IRAK1BP1: variants seen among roughly 807,000 people sequenced by gnomAD.
IRAK1BP1 encodes the protein interleukin 1 receptor associated kinase 1 binding protein 1.
Under a neutral mutation model 28.0 loss-of-function variants are expected in IRAK1BP1, and 24 were observed. The ratio of observed to expected loss-of-function variants is 0.86; its 90% CI spans 0.62 to 1.20. IRAK1BP1 has a LOEUF of 1.20. Ranked by LOEUF, IRAK1BP1 falls within the 50% of genes most tolerant of loss-of-function variation. IRAK1BP1 has a pLI of 0.00. For missense variants in IRAK1BP1, 336 were observed against 316.7 expected, an observed-to-expected ratio of 1.06 and a Z score of -0.46; for synonymous variants, 131 against 116.3, an observed-to-expected ratio of 1.13 and a Z score of -0.81.
chr6:78,891,983 A>G (rs1370258521), intron 2 of IRAK1BP1, among the ~76,000 whole-genome samples: 1 of 152,202 alleles, frequency 6.6e-6, no homozygotes, highest in African/African-American at 2.4e-5. Context: ...GCATGAATAT[A>G]TAAGACTCAT....
At chr6:78,955,327 C>T in the IRAK1BP1 span, 3 of 1,347,928 alleles carry the variant, frequency 2.2e-6, no homozygotes, top group Non-Finnish European at 3.2e-6. Context: ...TTTTAGATGT[C>T]ATTATACTTT....
At chr6:78,942,405 C>A (rs530295346) in intron 4 of IRAK1BP1, among the ~76,000 whole-genome samples, 68 of 152,280 alleles carry the variant, frequency 4.5e-4, no homozygotes, top group Admixed American at 1.3e-4. Context: ...ATCCTTTGAA[C>A]CCAGGAGGCG....
the IRAK1BP1 span, among the ~76,000 whole-genome samples, chr6:78,960,962 A>G: frequency 3.9e-5 from 6 of 152,194 alleles, no homozygotes; most frequent in African/African-American, 1.2e-4. Flanking sequence ...TTTTAATGCA[A>G]TGTTACACAA....
chr6:78,932,876 AG>A (rs1439279336), intron 4 of IRAK1BP1, among the ~76,000 whole-genome samples: 1 of 152,166 alleles, frequency 6.6e-6, no homozygotes, highest in African/African-American at 2.4e-5. Context: ...GTCAATGAGC[AG>A]TAGTGTTTTC....
At chr6:78,903,878 A>G (rs888187875), downstream of IRAK1BP1, among the ~76,000 whole-genome samples, 1 of 152,204 alleles carries the variant, frequency 6.6e-6, no homozygotes, top group Admixed American at 6.5e-5. Context: ...AGTGCTTCAT[A>G]TGGACATCAG....
chr6:78,926,641 T>A (rs1478911862), intron 4 of IRAK1BP1, among the ~76,000 whole-genome samples: 1 of 152,134 alleles, frequency 6.6e-6, no homozygotes, highest in Non-Finnish European at 1.5e-5. Context: ...CTAGGTCTTA[T>A]TCATTGTTTC....
At chr6:78,977,804 T>C in the IRAK1BP1 span, among the ~76,000 whole-genome samples, 1 of 152,212 alleles carries the variant, frequency 6.6e-6, no homozygotes, top group African/African-American at 2.4e-5. Flanking sequence ...GTAGGATTTT[T>C]AAATAAATTC....
chr6:78,978,705 C>A, the IRAK1BP1 span: 3 of 1,592,544 alleles, frequency 1.9e-6, no homozygotes, highest in South Asian at 3.4e-5. Context: ...TCTCCCACAG[C>A]CAATCTCTGA....
the IRAK1BP1 span, chr6:78,955,721 CATG>C: frequency 1.0e-5 from 7 of 691,082 alleles, no homozygotes; most frequent in Middle Eastern, 2.5e-4. Flanking sequence ...AGATTAGAAC[CATG>C]ATAATTTTTT....
intron 4 of IRAK1BP1, among the ~76,000 whole-genome samples, chr6:78,932,611 G>C (rs1268671663): frequency 6.6e-6 from 1 of 151,778 alleles, no homozygotes; most frequent in Admixed American, 6.6e-5. Context: ...TAGAGACGGG[G>C]TTTCACCACG....
intron 2 of IRAK1BP1, among the ~76,000 whole-genome samples, chr6:78,891,076 A>G (rs892571514): frequency 1.3e-5 from 2 of 152,188 alleles, no homozygotes; most frequent in Non-Finnish European, 2.9e-5. Flanking sequence ...AGAAAAAAAT[A>G]AAGGAACTCA....
chr6:78,929,388 C>G (rs555945506), intron 4 of IRAK1BP1, among the ~76,000 whole-genome samples: 3 of 152,152 alleles, frequency 2.0e-5, no homozygotes, highest in Middle Eastern at 3.2e-3. Flanking sequence ...TCATTTGCAG[C>G]AACATGGATG....
chr6:78,958,528 G>A, the IRAK1BP1 span: 1 of 1,568,228 alleles, frequency 6.4e-7, no homozygotes, highest in Non-Finnish European at 8.8e-7. Context: ...TCACAATAGG[G>A]CTTCCAGGCT....
At chr6:78,873,327 T>G (rs1770864620) in intron 1 of IRAK1BP1, among the ~76,000 whole-genome samples, 2 of 151,884 alleles carry the variant, frequency 1.3e-5, no homozygotes, top group Non-Finnish European at 2.9e-5. Flanking sequence ...TTCTCAGTTT[T>G]TTATTTGCTG....
the IRAK1BP1 span, among the ~76,000 whole-genome samples, chr6:78,952,348 G>A: frequency 6.6e-6 from 1 of 150,608 alleles, no homozygotes; most frequent in Non-Finnish European, 1.5e-5. Flanking sequence ...GAATCCAGGA[G>A]GCAGAGTTTG....
downstream of IRAK1BP1, among the ~76,000 whole-genome samples, chr6:78,903,938 T>G (rs113658674): frequency 6.6e-6 from 1 of 152,192 alleles, no homozygotes; most frequent in Non-Finnish European, 1.5e-5. Flanking sequence ...TATCTTCCCC[T>G]TCACAAGACT....
chr6:78,894,471 A>G (rs1453235732), intron 2 of IRAK1BP1, among the ~76,000 whole-genome samples: 1 of 152,174 alleles, frequency 6.6e-6, no homozygotes, highest in African/African-American at 2.4e-5. Context: ...AGACTATGAA[A>G]GATAAAGACA....
At chr6:78,934,295 T>C (rs1468628091) in intron 4 of IRAK1BP1, among the ~76,000 whole-genome samples, 4 of 152,188 alleles carry the variant, frequency 2.6e-5, no homozygotes, top group African/African-American at 2.4e-5. Flanking sequence ...GTTGGAAATA[T>C]CGCAATTACC....
intron 2 of IRAK1BP1, among the ~76,000 whole-genome samples, chr6:78,893,326 A>G (rs532683837): frequency 0.11 from 9,438 of 87,796 alleles, 461 homozygotes; most frequent in Admixed American, 0.21. Context: ...ATATATATAT[A>G]TATATATATA....
Sources: allele counts gnomAD v4.1 joint callset (sites outside exome capture counted in the v4.1 genomes callset), GRCh38; gene constraint gnomAD v4.1.1; transcripts MANE v1.5; gene names NCBI Gene and HGNC (gene_info 2026-07-23, HGNC 2026-07-21).